ZNF501: variants seen among roughly 807,000 people sequenced by gnomAD.
ZNF501 encodes the protein zinc finger protein 52.
Under a neutral mutation model 5.7 loss-of-function variants are expected in ZNF501, and 7 were observed. That is an observed-to-expected ratio of 1.24 (90% CI 0.70 to 2.32). ZNF501 has a LOEUF of 2.32. ZNF501 is among the 30% of genes most tolerant of loss of function. The probability of loss-of-function intolerance (pLI) is 0.00; values close to 1 mark genes in which losing one functional copy is unlikely to be tolerated. For missense variants in ZNF501, 352 were observed against 321.1 expected, an observed-to-expected ratio of 1.10 and a Z score of -0.73; for synonymous variants, 107 against 101.9, an observed-to-expected ratio of 1.05 and a Z score of -0.30.
intron 2 of ZNF501, among the ~76,000 whole-genome samples, chr3:44,733,248 A>G (rs1704641254): frequency 6.6e-6 from 1 of 152,240 alleles, no homozygotes; most frequent in African/African-American, 2.4e-5. Flanking sequence ...TGTCTCCAGC[A>G]CCAACTAGGG....
chr3:44,732,998 T>C (rs28556832), intron 2 of ZNF501, among the ~76,000 whole-genome samples: 5 of 152,270 alleles, frequency 3.3e-5, no homozygotes, highest in African/African-American at 1.2e-4. Context: ...TAATTTTTTA[T>C]TTTTTGTAGA....
At position 44,735,101 on chromosome 3, in the gene ZNF501, T is replaced by A; in HGVS notation, c.680T>A (p.Phe227Tyr). ...AAGTGTAGTGAGTGTGAAAAAACTT[T>A]CCGCAAACAAGCACACCTTAGTGAG... is the stretch of plus-strand genomic sequence containing the variant. ...LYKCSECEKT[F>Y]RKQAHLSEHY... The change falls in exon 3 of 3, where the codon TTC (phenylalanine) becomes TAC (tyrosine). Residue 227 changes from phenylalanine to tyrosine, a missense_variant. Transcript: ENST00000620116. 17 of 1,614,122 alleles carry A rather than the reference T, an allele frequency of 1.1e-5. No homozygotes were observed. Among genetic ancestry groups the A allele is most frequent in the Non-Finnish European group, 1.4e-5 (17 of 1,180,008 alleles).
chr3:44,731,475 G>T lies in ZNF501; in HGVS notation c.-310-1G>T, dbSNP rs1322983270. The stretch of plus-strand genomic sequence containing the variant: ...ATGAGTGGCTCTTTTTCCTCCCTCA[G>T]TGCCTCAAATTCCTGCCTTTCCTCA... On this transcript the variant is annotated splice_acceptor_variant, in intron 1 of 2. Transcript: ENST00000620116. LOFTEE classifies it low-confidence loss of function (5UTR_SPLICE). The T allele has an allele frequency of 6.6e-6, 1 of 152,178 alleles. No individual in the cohort carries two copies. Among genetic ancestry groups the T allele is most frequent in the Non-Finnish European group, 1.5e-5 (1 of 68,040 alleles). 9.4% of individuals were successfully genotyped at this position (152,178 alleles called of 1,614,324 possible).
At chr3:44,730,290 A>G (rs1704590906) in intron 1 of ZNF501, among the ~76,000 whole-genome samples, 1 of 152,242 alleles carries the variant, frequency 6.6e-6, no homozygotes, top group South Asian at 2.1e-4. Flanking sequence ...CAAAAGTCCT[A>G]GTCCTGGAGC....
intron 1 of ZNF501, among the ~76,000 whole-genome samples, chr3:44,730,796 T>C (rs1482846163): frequency 1.3e-5 from 2 of 152,260 alleles, no homozygotes; most frequent in Non-Finnish European, 2.9e-5. Flanking sequence ...GTTTCCCTGC[T>C]GTTGATTCAG....
chr3:44,734,558 G>A lies in ZNF501; in HGVS notation c.137G>A (p.Gly46Glu), dbSNP rs1232223066. Residue 46 changes from glycine to glutamate, a missense_variant, in exon 3 of 3, where the codon GGA becomes GAA. Transcript: ENST00000620116. ...ACCCAGCACCAGAGGATTCACAGAGGAGAGAAGCCCTATGTGTGCAGTGAA... is the reference window on the plus strand; with the variant it reads ...ACCCAGCACCAGAGGATTCACAGAGAAGAGAAGCCCTATGTGTGCAGTGAA... ...SLTQHQRIHR[G>E]EKPYVCSECG... The A allele has an allele frequency of 5.6e-6, 9 of 1,614,172 alleles. No individual in the cohort carries two copies. The highest frequency in any genetic ancestry group is 1.3e-5 in the African/African-American group (1 of 75,058).
At chr3:44,732,229 TAGA>T (rs1231378247) in intron 2 of ZNF501, 1 of 152,236 alleles carries the variant, frequency 6.6e-6, no homozygotes, top group Non-Finnish European at 1.5e-5. Context: ...AAGAGATACC[TAGA>T]AGAAGGTCCA....
At position 44,735,188 on chromosome 3, in the gene ZNF501, G is replaced by T. The variant is rs201391564; in HGVS notation, c.767G>T (p.Arg256Met). ...YECVGCGKSFRHSSALLRHQR... is the reference protein window; with the variant it reads ...YECVGCGKSFMHSSALLRHQR... Reference sequence around the variant, plus strand: ...TGTGTTGGATGTGGGAAATCCTTTAGGCACAGTTCAGCACTTCTTCGACAT... The same window carrying T: ...TGTGTTGGATGTGGGAAATCCTTTATGCACAGTTCAGCACTTCTTCGACAT... The change falls in exon 3 of 3, where the codon AGG (arginine) becomes ATG (methionine). Residue 256 changes from arginine to methionine, a missense_variant. Coordinates refer to ENST00000620116, the MANE Select transcript of ZNF501 (RefSeq NM_001258280.2). The T allele has an allele frequency of 6.3e-5, 101 of 1,606,812 alleles. No homozygotes were observed. Among genetic ancestry groups the T allele is most frequent in the South Asian group, 3.2e-4 (29 of 90,072 alleles).
chr3:44,736,037 AGATGAG>A lies in ZNF501; in HGVS notation c.*805_*810del, dbSNP rs1409733549. 6.0e-6 allele frequency: 1 copy of A among 167,164 alleles called. No individual in the cohort carries two copies. The highest frequency in any genetic ancestry group is 1.5e-5 in the Non-Finnish European group (1 of 68,154). The allele number at this position is 167,164 out of a possible 1,614,324, so 10.4% of individuals were successfully genotyped here. On this transcript the variant is annotated 3_prime_UTR_variant, in exon 3 of 3. Coordinates refer to ENST00000620116, the MANE Select transcript of ZNF501 (RefSeq NM_001258280.2). ...AATATAGAGGAGAATATAAGCATGT[AGATGAG>A]GATGTGGCTGTATTTGTTTTGAGTT...
chr3:44,733,966 C>T (rs994761747), intron 2 of ZNF501, among the ~76,000 whole-genome samples: 24 of 152,298 alleles, frequency 1.6e-4, no homozygotes, highest in African/African-American at 5.5e-4. Flanking sequence ...TATTATTCCT[C>T]TGTTTTTTGA....
At position 44,736,245 on chromosome 3, in the gene ZNF501, C is replaced by T. The variant is rs2125875072; in HGVS notation, c.*1008C>T. 6.0e-6 allele frequency: 1 copy of T among 167,098 alleles called. No homozygotes were observed. The highest frequency in any genetic ancestry group is 2.4e-5 in the African/African-American group (1 of 41,516). 10.4% of individuals were successfully genotyped at this position (167,098 alleles called of 1,614,324 possible). A position where few individuals can be genotyped will look rare whatever the true frequency, so the allele number is the denominator to read the frequency against. On this transcript the variant is annotated 3_prime_UTR_variant, in exon 3 of 3. Coordinates refer to ENST00000620116, the MANE Select transcript of ZNF501 (RefSeq NM_001258280.2). ...GAGTGCCTAATGGCTCATTAAAAGC[C>T]ATGAAAAAGCAAAGAAATCAAAGAA...
Position 44,734,992 on chromosome 3 carries a change from A to C in ZNF501, c.571A>C (p.Thr191Pro), listed in dbSNP as rs748536149. 1 of 1,614,186 alleles carries C rather than the reference A, an allele frequency of 6.2e-7. No individual in the cohort carries two copies. Among genetic ancestry groups the C allele is most frequent in the South Asian group, 1.1e-5 (1 of 91,084 alleles). ...QRIHSGEKPY[T>P]CTECGKAFTQ... ...AATTCATTCAGGAGAGAAGCCCTAC[A>C]CATGCACTGAATGTGGTAAAGCCTT... Residue 191 changes from threonine to proline, a missense_variant, in exon 3 of 3, where the codon ACA becomes CCA. By Grantham distance (38) the Thr-to-Pro change is conservative. Coordinates refer to ENST00000620116, the MANE Select transcript of ZNF501 (RefSeq NM_001258280.2).
At chr3:44,732,730 A>G (rs1704633361) in intron 2 of ZNF501, among the ~76,000 whole-genome samples, 1 of 152,246 alleles carries the variant, frequency 6.6e-6, no homozygotes, top group Non-Finnish European at 1.5e-5. Flanking sequence ...GAATCAAGTG[A>G]TATATGTGTA....
chr3:44,734,419 A>G lies in ZNF501; in HGVS notation c.-3A>G. 2 of 1,609,066 alleles carry G rather than the reference A, an allele frequency of 1.2e-6. No homozygotes were observed. The highest frequency in any genetic ancestry group is 1.7e-6 in the Non-Finnish European group (2 of 1,176,666). On this transcript the variant is annotated 5_prime_UTR_variant, in exon 3 of 3. Coordinates refer to ENST00000620116, the MANE Select transcript of ZNF501 (RefSeq NM_001258280.2). ...TAAGTATGAATTTGGTGTTACAAGC[A>G]GCATGAATTCCAGCCAAATATCACT... is the stretch of plus-strand genomic sequence containing the variant.
rs193209127 is a variant in ZNF501, at chr3:44,730,783, G to A, written c.-310-693G>A. On this transcript the variant is annotated intron_variant, in intron 1 of 2. Coordinates refer to ENST00000620116, the MANE Select transcript of ZNF501 (RefSeq NM_001258280.2). ...CTAATTGTAGGAGGATAACTGACAG[G>A]AAGTTTCCCTGCTGTTGATTCAGCC... Among the ~76,000 whole-genome samples the A allele has an allele frequency of 1.5e-3, 225 of 152,306 alleles. 3 individuals carry two copies. Among genetic ancestry groups the A allele is most frequent in the African/African-American group, 4.7e-3 (197 of 41,556 alleles).
At chr3:44,732,664 G>A (rs1704632506) in intron 2 of ZNF501, among the ~76,000 whole-genome samples, 1 of 152,102 alleles carries the variant, frequency 6.6e-6, no homozygotes, top group African/African-American at 2.4e-5. Context: ...TTTTTAGTGG[G>A]AAATAAAAGC....
At position 44,735,310 on chromosome 3, in the gene ZNF501, T is replaced by A. The variant is rs950671140; in HGVS notation, c.*73T>A. 1.6e-6 allele frequency: 2 copies of A among 1,253,498 alleles called. No individual in the cohort carries two copies. The allele number at this position is 1,253,498 out of a possible 1,614,324, so 77.6% of individuals were successfully genotyped here. ...TTTTTCTCCTAAATTCCTAGGAATGTAAGACTCAATCTGTAGCTAGTATGA... is the reference window on the plus strand; with the variant it reads ...TTTTTCTCCTAAATTCCTAGGAATGAAAGACTCAATCTGTAGCTAGTATGA... On this transcript the variant is annotated 3_prime_UTR_variant, in exon 3 of 3. Coordinates refer to ENST00000620116, the MANE Select transcript of ZNF501 (RefSeq NM_001258280.2).
Position 44,736,454 on chromosome 3 carries a change from A to G in ZNF501, c.*1217A>G, listed in dbSNP as rs989017062. 1 of 166,854 alleles carries G rather than the reference A, an allele frequency of 6.0e-6. No individual in the cohort carries two copies. The highest frequency in any genetic ancestry group is 1.5e-5 in the Non-Finnish European group (1 of 68,104). The allele number at this position is 166,854 out of a possible 1,614,324, so 10.3% of individuals were successfully genotyped here. On this transcript the variant is annotated 3_prime_UTR_variant, in exon 3 of 3. Transcript: ENST00000620116. ...TGTCAGAATTGAATCTCAAATCTATATCTTTATAGATTTGCAGTTCTGGTT... is the reference window on the plus strand; with the variant it reads ...TGTCAGAATTGAATCTCAAATCTATGTCTTTATAGATTTGCAGTTCTGGTT...
Position 44,734,554 on chromosome 3 carries a change from A to C in ZNF501, c.133A>C (p.Arg45=). Reference sequence around the variant, plus strand: ...TCTTACCCAGCACCAGAGGATTCACAGAGGAGAGAAGCCCTATGTGTGCAG... The same window carrying C: ...TCTTACCCAGCACCAGAGGATTCACCGAGGAGAGAAGCCCTATGTGTGCAG... The part of the protein sequence containing the change: ...SSLTQHQRIH[R]GEKPYVCSEC... Residue 45 remains arginine (R), a synonymous_variant, in exon 3 of 3, where the codon AGA becomes CGA. Coordinates refer to ENST00000620116, the MANE Select transcript of ZNF501 (RefSeq NM_001258280.2). The C allele has an allele frequency of 6.2e-7, 1 of 1,614,210 alleles. No individual in the cohort carries two copies. Among genetic ancestry groups the C allele is most frequent in the Non-Finnish European group, 8.5e-7 (1 of 1,180,022 alleles).
Sources: allele counts gnomAD v4.1 joint callset (sites outside exome capture counted in the v4.1 genomes callset), GRCh38; gene constraint gnomAD v4.1.1; transcripts MANE v1.5; gene names NCBI Gene and HGNC (gene_info 2026-07-23, HGNC 2026-07-21).